The following SPATA13 variants were observed in gnomAD, a reference collection of about 807,000 sequenced individuals.
SPATA13 encodes the protein spermatogenesis associated 13, also known as spermatogenesis-associated protein 13.
SPATA13 carries 50 observed loss-of-function variants against 104.0 expected under a neutral mutation model. The ratio of observed to expected loss-of-function variants is 0.48; its 90% CI spans 0.38 to 0.61. The LOEUF is 0.61. Ranked by LOEUF, SPATA13 falls within the 20% of genes least tolerant of loss-of-function variation. The pLI is 0.00. For synonymous variants in SPATA13, 606 were observed against 667.5 expected, an observed-to-expected ratio of 0.91 and a Z score of 1.42; for missense variants, 1,524 against 1,690.6, an observed-to-expected ratio of 0.90 and a Z score of 1.73.
intron 4 of SPATA13, among the ~76,000 whole-genome samples, chr13:24,265,155 A>G (rs1381740450): frequency 3.3e-5 from 5 of 152,182 alleles, no homozygotes; most frequent in Admixed American, 1.3e-4. Flanking sequence ...TGAGCTGTGT[A>G]TGATGGGGCC....
intron 3 of SPATA13, among the ~76,000 whole-genome samples, chr13:24,061,399 A>G (rs1212323002): frequency 1.3e-5 from 2 of 152,340 alleles, no homozygotes; most frequent in East Asian, 3.9e-4. Flanking sequence ...TCATTCTACC[A>G]TAAAGCCACA....
At chr13:24,166,069 GCCT>G (rs1882720451) in intron 1 of SPATA13, among the ~76,000 whole-genome samples, 1 of 152,206 alleles carries the variant, frequency 6.6e-6, no homozygotes, top group Non-Finnish European at 1.5e-5. Flanking sequence ...ATCAGGAATG[GCCT>G]ATTTAGGGAT....
intron 11 of SPATA13, 125 bp downstream of exon 11, chr13:24,297,860 G>A: frequency 8.3e-7 from 1 of 1,212,020 alleles, no homozygotes; most frequent in South Asian, 1.6e-5. Context: ...ATGGGGAAAG[G>A]ACAAGGGATC....
chr13:24,211,679 C>T (rs1871022465), intron 1 of SPATA13, among the ~76,000 whole-genome samples: 1 of 152,158 alleles, frequency 6.6e-6, no homozygotes, highest in South Asian at 2.1e-4. Flanking sequence ...TTGACTCTCT[C>T]CCCATCACCT....
intron 1 of SPATA13, among the ~76,000 whole-genome samples, chr13:24,222,553 G>A (rs1404685490): frequency 6.6e-6 from 1 of 151,654 alleles, no homozygotes; most frequent in Admixed American, 6.6e-5. Context: ...TTTTTTCCTA[G>A]TCTCACCTAC....
chr13:24,270,157 A>G (rs988878440), intron 4 of SPATA13, among the ~76,000 whole-genome samples: 1 of 152,204 alleles, frequency 6.6e-6, no homozygotes. Context: ...GTTAACAGTC[A>G]TTTTACAATA....
intron 2 of SPATA13, among the ~76,000 whole-genome samples, chr13:24,229,396 A>G (rs1444612313): frequency 1.3e-5 from 2 of 152,196 alleles, no homozygotes; most frequent in Admixed American, 6.5e-5. Context: ...CAACCGGGGC[A>G]AACTGTTGAA....
chr13:24,283,153 C>T (rs933922058), intron 4 of SPATA13, among the ~76,000 whole-genome samples: 13 of 152,218 alleles, frequency 8.5e-5, no homozygotes, highest in Non-Finnish European at 1.6e-4. Flanking sequence ...TGCTCCTCTT[C>T]CAGGAAGCCT....
At chr13:24,028,311 G>T (rs112986785) in intron 3 of SPATA13, among the ~76,000 whole-genome samples, 1 of 152,096 alleles carries the variant, frequency 6.6e-6, no homozygotes, top group Non-Finnish European at 1.5e-5. Flanking sequence ...TATCTTGTTG[G>T]TATACTGCTC....
chr13:24,123,189 G>A (rs1216541964), intron 3 of SPATA13: 6 of 1,348,372 alleles, frequency 4.4e-6, no homozygotes, highest in South Asian at 1.2e-5. Context: ...TCTGATGAAT[G>A]GTGTGATATA....
chr13:24,074,053 C>T (rs558025723), intron 3 of SPATA13, among the ~76,000 whole-genome samples: 7 of 152,322 alleles, frequency 4.6e-5, no homozygotes, highest in South Asian at 4.1e-4. Flanking sequence ...CATACATTTT[C>T]GATCTTAATT....
At chr13:24,185,159 T>C (rs2793484) in intron 1 of SPATA13, among the ~76,000 whole-genome samples, 110,591 of 152,106 alleles carry the variant, frequency 0.73, 40,527 homozygotes, top group Non-Finnish European at 0.78. Flanking sequence ...AGCCCTGAAG[T>C]TCCCCTGTGA....
intron 3 of SPATA13, among the ~76,000 whole-genome samples, chr13:24,064,344 G>T (rs1878877194): frequency 6.6e-6 from 1 of 152,190 alleles, no homozygotes; most frequent in Non-Finnish European, 1.5e-5. Context: ...AAATCAATGG[G>T]AGAGCAGTAA....
At chr13:23,996,255 TC>T (rs1875687753) in intron 2 of SPATA13, among the ~76,000 whole-genome samples, 1 of 152,134 alleles carries the variant, frequency 6.6e-6, no homozygotes, top group African/African-American at 2.4e-5. Context: ...GCCTTGCCTT[TC>T]CACCTTCTAG....
At chr13:24,209,441 G>A in intron 1 of SPATA13, among the ~76,000 whole-genome samples, 1 of 152,208 alleles carries the variant, frequency 6.6e-6, no homozygotes, top group East Asian at 1.9e-4. Context: ...AATAAAAGGA[G>A]GCCACCAGAG....
intron 2 of SPATA13, among the ~76,000 whole-genome samples, chr13:23,996,719 A>G (rs1875713205): frequency 6.6e-6 from 1 of 152,262 alleles, no homozygotes. Flanking sequence ...CCTTGAGGCC[A>G]AACTTAAAAT....
At chr13:24,133,283 G>A (rs980279743) in intron 3 of SPATA13, among the ~76,000 whole-genome samples, 5 of 152,182 alleles carry the variant, frequency 3.3e-5, no homozygotes, top group Admixed American at 2.6e-4. Context: ...TAAGTACTTA[G>A]CCCAGTGAGA....
At position 23,994,527 on chromosome 13, in the gene SPATA13, C is replaced by T. The variant is rs186164165; in HGVS notation, c.-147+10594C>T. On this transcript the variant is annotated intron_variant, in intron 2 of 14. Coordinates refer to the SPATA13 transcript ENST00000424834. ...GGACTGGCCGGCATGACTGCAGGTG[C>T]CTTTCAGGCCCTGGATGCTGAGATC... Among the ~76,000 whole-genome samples the T allele has an allele frequency of 4.9e-4, 74 of 152,314 alleles. 1 individual carries two copies. In the East Asian group the frequency reaches 0.013, roughly 27 times the overall value.
chr13:24,135,866 C>T (rs547228124), intron 3 of SPATA13, among the ~76,000 whole-genome samples: 1 of 152,160 alleles, frequency 6.6e-6, no homozygotes, highest in East Asian at 1.9e-4. Context: ...TGGAGTGATT[C>T]CTCAGCCCGA....
Sources: gnomAD v4.1 joint callset for allele counts (sites outside exome capture counted in the v4.1 genomes callset) on GRCh38, gnomAD v4.1.1 for gene constraint, MANE v1.5 for transcripts, NCBI Gene and HGNC (gene_info 2026-07-23, HGNC 2026-07-21) for gene names.